The following DPP10 variants were observed in gnomAD, a reference collection of about 807,000 sequenced individuals.
DPP10 encodes the protein inactive dipeptidyl peptidase 10.
DPP10 carries 33 observed loss-of-function variants against 120.9 expected under a neutral mutation model. The ratio of observed to expected loss-of-function variants is 0.27; its 90% confidence interval spans 0.21 to 0.37. DPP10 has a LOEUF of 0.37. DPP10 is among the 10% of genes least tolerant of loss of function. The pLI is 1.00. For missense variants in DPP10, 816 were observed against 942.8 expected (o/e 0.87, Z 1.76); for synonymous variants, 337 against 326.1 (o/e 1.03, Z -0.36).
At chr2:114,547,455 T>G (rs988683205) in intron 1 of DPP10, among the ~76,000 whole-genome samples, 1 of 145,650 alleles carries the variant, frequency 6.9e-6, no homozygotes, top group South Asian at 2.2e-4. Flanking sequence ...AAGAAATAGC[T>G]TTTTTTTTTT....
At chr2:114,489,373 C>G (rs1681785542) in intron 1 of DPP10, among the ~76,000 whole-genome samples, 1 of 152,182 alleles carries the variant, frequency 6.6e-6, no homozygotes, top group Admixed American at 6.5e-5. Context: ...CAGAAGCTTC[C>G]CAACCACATG....
intron 3 of DPP10, among the ~76,000 whole-genome samples, chr2:115,495,102 G>C (rs975685852): frequency 6.6e-6 from 1 of 151,986 alleles, no homozygotes; most frequent in African/African-American, 2.4e-5. Context: ...AGTCAGAAAA[G>C]ACAACATTTT....
rs1310202891 is a variant in DPP10 at position 115,649,536 on chromosome 2, A to G, written c.442-40151A>G. Among the ~76,000 whole-genome samples, 5 of 152,210 alleles carry G rather than the reference A, an allele frequency of 3.3e-5. No homozygotes were observed. The South Asian group carries it at 8.3e-4, about 25-fold the overall frequency. Reference sequence around the variant, plus strand: ...TTGATCAATGTCCTAGTAATATTTCATTCTTTTATATCATCTTTTACAATA... The same window carrying G: ...TTGATCAATGTCCTAGTAATATTTCGTTCTTTTATATCATCTTTTACAATA... On this transcript the variant is annotated intron_variant, in intron 5 of 25. Coordinates refer to ENST00000410059, the MANE Select transcript of DPP10 (RefSeq NM_020868.6).
At chr2:115,476,185 G>T (rs2075064522) in intron 3 of DPP10, among the ~76,000 whole-genome samples, 1 of 152,134 alleles carries the variant, frequency 6.6e-6, no homozygotes, top group Non-Finnish European at 1.5e-5. Flanking sequence ...CCTAAAGCCT[G>T]ATTTGAGGTG....
chr2:115,826,828 A>G (rs192123068), intron 21 of DPP10, among the ~76,000 whole-genome samples: 25 of 152,132 alleles, frequency 1.6e-4, no homozygotes, highest in African/African-American at 5.8e-4. Flanking sequence ...CTTTTTATCT[A>G]TTTGTGTATT....
intron 1 of DPP10, among the ~76,000 whole-genome samples, chr2:115,103,184 C>CTTTT (rs71394123): frequency 3.8e-4 from 46 of 122,142 alleles, no homozygotes; most frequent in Non-Finnish European, 5.3e-4. Flanking sequence ...CTGATTCTCT[C>CTTTT]TTTTTTTTTT....
intron 1 of DPP10, among the ~76,000 whole-genome samples, chr2:114,960,488 A>T (rs937535054): frequency 2.0e-5 from 3 of 151,868 alleles, no homozygotes; most frequent in Admixed American, 6.6e-5. Flanking sequence ...ACACCTGTTA[A>T]TTTTACTCAT....
chr2:115,762,388 C>T (rs1680220518), intron 11 of DPP10, among the ~76,000 whole-genome samples, 184 bp from the exon 12 acceptor site: 2 of 116,362 alleles, frequency 1.7e-5, no homozygotes, highest in African/African-American at 2.5e-5. Context: ...ATTAAATTAT[C>T]GTTTAGTCCC....
At chr2:115,164,514 G>A (rs2052684139) in intron 1 of DPP10, among the ~76,000 whole-genome samples, 1 of 152,082 alleles carries the variant, frequency 6.6e-6, no homozygotes, top group South Asian at 2.1e-4. Flanking sequence ...GTTAAATAGG[G>A]CACATGTTCC....
intron 1 of DPP10, among the ~76,000 whole-genome samples, chr2:115,220,882 G>A (rs1264228502): frequency 6.6e-6 from 1 of 150,572 alleles, no homozygotes; most frequent in Non-Finnish European, 1.5e-5. Flanking sequence ...TATTTCATAT[G>A]TATACATATA....
intron 5 of DPP10, among the ~76,000 whole-genome samples, chr2:115,626,750 CAT>C (rs1484958502): frequency 1.3e-5 from 2 of 152,130 alleles, no homozygotes; most frequent in East Asian, 3.8e-4. Flanking sequence ...GACACATACA[CAT>C]ATTTAATACA....
At chr2:114,565,345 G>A (rs1313791546) in intron 1 of DPP10, among the ~76,000 whole-genome samples, 1 of 152,162 alleles carries the variant, frequency 6.6e-6, no homozygotes, top group Non-Finnish European at 1.5e-5. Flanking sequence ...TTGATTAAGT[G>A]GGAAAGAATG....
Position 114,572,785 on chromosome 2 carries a change from CTG to C in DPP10, c.60+129949_60+129950del, listed in dbSNP as rs1480823870. On this transcript the variant is annotated intron_variant, in intron 1 of 25. Coordinates refer to ENST00000410059, the MANE Select transcript of DPP10 (RefSeq NM_020868.6). ...TCAAAACTGGTCCATGGGGATGACA[CTG>C]TTATCTCTTCTTACAGATGAAGAAA... Among the ~76,000 whole-genome samples the C allele has an allele frequency of 5.3e-5, 8 of 152,316 alleles. 1 individual carries two copies. In the South Asian group the frequency reaches 1.2e-3, roughly 24 times the overall value.
At chr2:115,638,242 G>A (rs970051171) in intron 5 of DPP10, among the ~76,000 whole-genome samples, 9 of 152,272 alleles carry the variant, frequency 5.9e-5, no homozygotes, top group Admixed American at 3.9e-4. Context: ...AATTCCAAGT[G>A]TGCATTTACT....
chr2:115,216,734 C>T (rs74728819), intron 1 of DPP10, among the ~76,000 whole-genome samples: 7 of 151,930 alleles, frequency 4.6e-5, no homozygotes, highest in South Asian at 4.2e-4. Flanking sequence ...GCCGTGAGCC[C>T]GGATCGTGCC....
rs1689863788 is a variant in DPP10, at chr2:114,574,087, T to C, written c.60+131249T>C. Among the ~76,000 whole-genome samples the C allele has an allele frequency of 3.9e-5, 6 of 152,132 alleles. No individual in the cohort carries two copies. In the South Asian group the frequency reaches 1.2e-3, roughly 31 times the overall value. ...ATCAGAAATATCCTGTTTTATGCAA[T>C]GATGGGGAAGAAAATGAAAGACTCA... On this transcript the variant is annotated intron_variant, in intron 1 of 25. Coordinates refer to ENST00000410059, the MANE Select transcript of DPP10 (RefSeq NM_020868.6).
At chr2:114,476,966 T>A (rs982175720) in intron 1 of DPP10, among the ~76,000 whole-genome samples, 5 of 129,280 alleles carry the variant, frequency 3.9e-5, no homozygotes, top group African/African-American at 1.7e-4. Flanking sequence ...AAATTGATTC[T>A]TTTTTTTTTT....
chr2:115,535,014 C>T (rs1173771888), intron 5 of DPP10, among the ~76,000 whole-genome samples: 1 of 147,398 alleles, frequency 6.8e-6, no homozygotes, highest in African/African-American at 2.5e-5. Context: ...GGATATTAGC[C>T]CTTTGTCAGA....
intron 1 of DPP10, among the ~76,000 whole-genome samples, chr2:114,545,040 C>T (rs767291486): frequency 3.0e-4 from 45 of 151,998 alleles, no homozygotes; most frequent in East Asian, 5.8e-4. Context: ...TTAGTAGAGA[C>T]GGGGTTTCAT....
Sources: allele counts gnomAD v4.1 joint callset (sites outside exome capture counted in the v4.1 genomes callset), GRCh38; gene constraint gnomAD v4.1.1; transcripts MANE v1.5; gene names NCBI Gene and HGNC (gene_info 2026-07-23, HGNC 2026-07-21).